Variants in ARHGAP32 observed in about 807,000 individuals in gnomAD.
ARHGAP32 encodes the protein rho GTPase-activating protein 32.
Under a neutral mutation model 186.5 loss-of-function variants are expected in ARHGAP32, and 51 were observed. The ratio of observed to expected loss-of-function variants is 0.27; its 90% CI spans 0.22 to 0.35. The LOEUF (loss-of-function observed/expected upper bound fraction) is 0.35, where lower values mean the gene tolerates loss of function less well. Among genes scored for constraint, ARHGAP32 ranks in the 10% least tolerant of loss-of-function variants. ARHGAP32 has a pLI of 1.00. For missense variants in ARHGAP32, 2,186 were observed against 2,623.5 expected (o/e 0.83, Z 3.64); for synonymous variants, 950 against 964.3 (o/e 0.99, Z 0.27).
rs140640617 is a variant in ARHGAP32, at chr11:129,253,849, T to C, written c.-5+25297A>G. On this transcript the variant is annotated intron_variant, in intron 1 of 6. Transcript: ENST00000525234. The stretch of plus-strand genomic sequence containing the variant: ...CAACAAATGCTGTCACTGAGATCAC[T>C]GGGTCACCATATGTACCTGATCCAC... Among the ~76,000 whole-genome samples, 184 of 152,230 alleles carry C rather than the reference T, an allele frequency of 1.2e-3. 3 individuals are homozygous for C. The highest frequency in any genetic ancestry group is 4.2e-3 in the African/African-American group (173 of 41,550).
In ARHGAP32 at chr11:128,978,888, C is replaced by A; in HGVS notation, c.2004G>T (p.Lys668Asn). Residue 668 changes from lysine to asparagine, a missense_variant, in exon 19 of 23, where the codon AAG becomes AAT. By Grantham distance (94) the Lys-to-Asn change is moderately conservative. Coordinates refer to ENST00000682385, the MANE Select transcript of ARHGAP32 (RefSeq NM_001378024.1). The part of the protein sequence containing the change: ...ERKRPQNKMK[K>N]SPVGSWRSFF... ...AGGAACGCCAGCTACCCACAGGAGA[C>A]TTTTTCATCTTATTTTGAGGCCTCT... 1 of 1,607,894 alleles carries A rather than the reference C, an allele frequency of 6.2e-7. No homozygotes were observed. Among genetic ancestry groups the A allele is most frequent in the Non-Finnish European group, 8.5e-7 (1 of 1,178,052 alleles).
intron 2 of ARHGAP32, among the ~76,000 whole-genome samples, chr11:129,163,840 C>T (rs777299292): frequency 6.6e-6 from 1 of 152,158 alleles, no homozygotes; most frequent in Non-Finnish European, 1.5e-5. Context: ...AGAAACTGCA[C>T]GATCTGCTTT....
intron 10 of ARHGAP32, among the ~76,000 whole-genome samples, chr11:129,046,901 G>A (rs1030147257): frequency 6.6e-6 from 1 of 152,036 alleles, no homozygotes; most frequent in Non-Finnish European, 1.5e-5. Flanking sequence ...GAGGCGGGCG[G>A]ATCATGAGGT....
intron 1 of ARHGAP32, among the ~76,000 whole-genome samples, chr11:129,274,368 G>A (rs993836944): frequency 2.0e-5 from 3 of 152,106 alleles, no homozygotes; most frequent in Non-Finnish European, 4.4e-5. Flanking sequence ...GCTATAATCA[G>A]AACACCTTTC....
intron 1 of ARHGAP32, among the ~76,000 whole-genome samples, chr11:129,230,323 T>C (rs79126664): frequency 0.024 from 3,585 of 152,250 alleles, 135 homozygotes; most frequent in African/African-American, 0.077. Flanking sequence ...CCACCATCCA[T>C]GTCTTTGAGG....
intron 10 of ARHGAP32, among the ~76,000 whole-genome samples, chr11:129,052,251 T>C (rs958648810): frequency 2.0e-5 from 3 of 152,204 alleles, no homozygotes; most frequent in African/African-American, 7.2e-5. Flanking sequence ...TGTCTATTCT[T>C]TCCCACTGAT....
intron 5 of ARHGAP32, among the ~76,000 whole-genome samples, chr11:129,101,928 A>G (rs1432055673): frequency 6.6e-6 from 1 of 152,208 alleles, no homozygotes; most frequent in Non-Finnish European, 1.5e-5. Context: ...GTCGAAATGA[A>G]AGAAAAAATG....
At chr11:129,207,698 C>G (rs1944532233) in intron 1 of ARHGAP32, among the ~76,000 whole-genome samples, 2 of 152,018 alleles carry the variant, frequency 1.3e-5, no homozygotes, top group African/African-American at 2.4e-5. Flanking sequence ...CCTCTTCACT[C>G]TAGCTTTACT....
chr11:129,218,326 A>G (rs1209331195), intron 1 of ARHGAP32, among the ~76,000 whole-genome samples: 3 of 152,126 alleles, frequency 2.0e-5, no homozygotes, highest in Non-Finnish European at 2.9e-5. Context: ...TATACTTAAC[A>G]TTGTTTCTTC....
rs762590933 is a variant in ARHGAP32 at position 128,969,905 on chromosome 11, G to A, written c.5308C>T (p.Arg1770Trp). 20 of 1,614,078 alleles carry A rather than the reference G, an allele frequency of 1.2e-5. No homozygotes were observed. The highest frequency in any genetic ancestry group is 3.3e-5 in the South Asian group (3 of 91,084). Residue 1770 changes from arginine (R) to tryptophan (W), a missense_variant, in exon 23 of 23, where the codon CGG (arginine) becomes TGG (tryptophan). Coordinates refer to ENST00000682385, the MANE Select transcript of ARHGAP32 (RefSeq NM_001378024.1). This position sits in a 1 kb window ranked among gnomAD's most constrained non-coding sequence, Gnocchi z 4.8. ...TTCTGCCGAGCACGGCTCTCTCTCC[G>A]GATGGACTGCATGCGGTATTTTTCC... is the stretch of plus-strand genomic sequence containing the variant. ...DMEKYRMQSI[R>W]RESRARQKVK... is the part of the protein sequence containing the mutation.
chr11:129,249,450 T>G (rs1945149797), intron 1 of ARHGAP32, among the ~76,000 whole-genome samples: 1 of 152,204 alleles, frequency 6.6e-6, no homozygotes, highest in Admixed American at 6.5e-5. Context: ...TGAGATTTTT[T>G]TATTACCAGT....
At chr11:129,073,957 C>A (rs1260739134) in intron 6 of ARHGAP32, among the ~76,000 whole-genome samples, 1 of 152,048 alleles carries the variant, frequency 6.6e-6, no homozygotes. Context: ...AACAAAATAA[C>A]CCCTACCCAG....
At position 129,125,797 on chromosome 11, in the gene ARHGAP32, GT is replaced by G. The variant is rs908367799; in HGVS notation, c.226-904del. Reference sequence around the variant, plus strand: ...CTGGGTTCAATTTTCCTTTTTGAGGGTTTTTTTTTTCTTAGCAAATTTAACT... The same window carrying G: ...CTGGGTTCAATTTTCCTTTTTGAGGGTTTTTTTTTCTTAGCAAATTTAACT... On this transcript the variant is annotated intron_variant, in intron 2 of 22. Coordinates refer to ENST00000682385, the MANE Select transcript of ARHGAP32 (RefSeq NM_001378024.1). 367 of 337,096 alleles carry G rather than the reference GT, an allele frequency of 1.1e-3. 1 individual carries two copies. Among genetic ancestry groups the G allele is most frequent in the South Asian group, 1.9e-3 (81 of 41,932 alleles). The allele number at this position is 337,096 out of a possible 1,614,324, so 20.9% of individuals were successfully genotyped here.
At chr11:129,112,603 AGTT>A (rs1418331160) in intron 5 of ARHGAP32, among the ~76,000 whole-genome samples, 2 of 152,126 alleles carry the variant, frequency 1.3e-5, no homozygotes, top group Non-Finnish European at 2.9e-5. Flanking sequence ...ATTTTCTTAA[AGTT>A]ATCTGGGAAC....
rs1018325503 is a variant in ARHGAP32, at chr11:129,020,578, G to A, written c.1045+20350C>T. Among the ~76,000 whole-genome samples, 8 of 152,082 alleles carry A rather than the reference G, an allele frequency of 5.3e-5. No homozygotes were observed. In the East Asian group the frequency reaches 1.5e-3, roughly 29 times the overall value. On this transcript the variant is annotated intron_variant, in intron 11 of 22. Transcript: ENST00000682385. ...TTATAAAAATTATTTTTTGACATAG[G>A]TTTCAAGAGTTTACTGCAGTAAAAG...
intron 6 of ARHGAP32, among the ~76,000 whole-genome samples, chr11:129,088,974 G>A (rs1029775271): frequency 2.2e-5 from 3 of 138,716 alleles, no homozygotes; most frequent in African/African-American, 8.4e-5. Flanking sequence ...CTCCAGCCTG[G>A]GTGACAGAGA....
chr11:128,981,757 A>C (rs1945712101), intron 16 of ARHGAP32, 72 bp downstream of exon 16: 4 of 1,290,254 alleles, frequency 3.1e-6, no homozygotes, highest in Non-Finnish European at 4.4e-6. Context: ...AAGTTTCCTT[A>C]AAGAACACTG....
At chr11:129,142,711 T>C (rs994489544) in intron 2 of ARHGAP32, among the ~76,000 whole-genome samples, 1 of 128,306 alleles carries the variant, frequency 7.8e-6, no homozygotes, top group African/African-American at 3.2e-5. Flanking sequence ...ATTGCTCTTT[T>C]TCTTAAAGGA....
chr11:129,274,420 C>A (rs1395183900), intron 1 of ARHGAP32, among the ~76,000 whole-genome samples: 1 of 152,154 alleles, frequency 6.6e-6, no homozygotes, highest in Admixed American at 6.5e-5. Context: ...CCTTCTGCCT[C>A]CATCTCACTG....
Sources: allele counts gnomAD v4.1 joint callset (sites outside exome capture counted in the v4.1 genomes callset), GRCh38; gene constraint gnomAD v4.1.1; non-coding constraint Gnocchi (gnomAD v3.1); transcripts MANE v1.5; gene names NCBI Gene and HGNC (gene_info 2026-07-23, HGNC 2026-07-21).